The following AGAP1 variants were observed in gnomAD, a reference collection of about 807,000 sequenced individuals.
AGAP1 encodes the protein ArfGAP with GTPase domain, ankyrin repeat and PH domain 1.
A neutral mutation model predicts 105.3 loss-of-function variants in AGAP1; 29 were observed. The ratio of observed to expected loss-of-function variants is 0.28; its 90% CI spans 0.21 to 0.38. AGAP1 has a LOEUF of 0.38. AGAP1 is among the 10% of genes least tolerant of loss of function. AGAP1 has a pLI of 1.00. For missense variants in AGAP1, 998 were observed against 1,165.1 expected (o/e 0.86, Z 2.09); for synonymous variants, 509 against 485.9 (o/e 1.05, Z -0.63).
chr2:235,667,170 C>T (rs1468066963), intron 1 of AGAP1, among the ~76,000 whole-genome samples: 2 of 152,194 alleles, frequency 1.3e-5, no homozygotes, highest in African/African-American at 4.8e-5. Context: ...CGCTGTCTTT[C>T]TGTGGTAAAA....
At chr2:235,495,102 G>A (rs1248330360) in intron 1 of AGAP1, among the ~76,000 whole-genome samples, 1 of 152,180 alleles carries the variant, frequency 6.6e-6, no homozygotes, top group Non-Finnish European at 1.5e-5. Flanking sequence ...TCTCTCCTGC[G>A]GGAAAGTGGC....
intron 8 of AGAP1, among the ~76,000 whole-genome samples, chr2:235,804,419 C>T (rs1957736081): frequency 6.6e-6 from 1 of 152,172 alleles, no homozygotes; most frequent in Non-Finnish European, 1.5e-5. Context: ...AATAAGGCAG[C>T]AAAATTCATA....
At position 235,566,616 on chromosome 2, in the gene AGAP1, C is replaced by T. The variant is rs576496225; in HGVS notation, c.163+71767C>T. 5 of 984,492 alleles carry T rather than the reference C, an allele frequency of 5.1e-6. No individual in the cohort carries two copies. Among genetic ancestry groups the T allele is most frequent in the Non-Finnish European group, 6.0e-6 (5 of 829,106 alleles). The allele number at this position is 984,492 out of a possible 1,614,324, so 61.0% of individuals were successfully genotyped here. A position where few individuals can be genotyped will look rare whatever the true frequency, so the allele number is the denominator to read the frequency against. ...GTGGGCAGGTCTGTCTCCTGCCTCT[C>T]TTATTTATGTTGTATGCCTGACACC... On this transcript the variant is annotated intron_variant, in intron 1 of 17. Transcript: ENST00000304032. This position sits in a 1 kb window ranked among gnomAD's most constrained non-coding sequence, Gnocchi z 5.2.
At chr2:235,873,976 G>A (rs1185512649) in intron 9 of AGAP1, among the ~76,000 whole-genome samples, 4 of 152,202 alleles carry the variant, frequency 2.6e-5, no homozygotes, top group East Asian at 1.9e-4. Flanking sequence ...CAGTCCCCTC[G>A]CCTCCATCTC....
intron 2 of AGAP1, among the ~76,000 whole-genome samples, chr2:235,717,266 C>T (rs1417941231): frequency 3.3e-5 from 5 of 152,218 alleles, no homozygotes; most frequent in African/African-American, 7.2e-5. Flanking sequence ...GAACACAGCC[C>T]TGATGTAAAC....
At chr2:235,862,301 TAAG>T (rs1250632883) in intron 9 of AGAP1, among the ~76,000 whole-genome samples, 1 of 152,216 alleles carries the variant, frequency 6.6e-6, no homozygotes, top group Non-Finnish European at 1.5e-5. Context: ...TTATTTGTAG[TAAG>T]GAGTTATTGC....
rs2125328264 is a variant in AGAP1 at position 235,964,982 on chromosome 2, C to T, written c.1484-3480C>T. On this transcript the variant is annotated intron_variant, in intron 12 of 17. Transcript: ENST00000304032. This position sits in a 1 kb window ranked among gnomAD's most constrained non-coding sequence, Gnocchi z 4.6. ...AGGCAAGGGAAGTGTCTTATTTAAA[C>T]CTGCCCGCTCCCACCTCTGCAGTTC... 6.6e-6 allele frequency among the ~76,000 whole-genome samples: 1 copy of T among 152,294 alleles called. No homozygotes were observed. The highest frequency in any genetic ancestry group is 1.9e-4 in the East Asian group (1 of 5,186).
rs115557109 is a variant in AGAP1 at position 236,004,997 on chromosome 2, T to G, written c.1646-31564T>G. Among the ~76,000 whole-genome samples the G allele has an allele frequency of 2.0e-3, 305 of 152,318 alleles. 1 individual carries two copies. The highest frequency in any genetic ancestry group is 7.0e-3 in the African/African-American group (292 of 41,570). On this transcript the variant is annotated intron_variant, in intron 13 of 17. Transcript: ENST00000304032. ...AAAATAATATTCCTGTTCAAGATGC[T>G]TATTAGAGTGTATTTGATAGACTTT...
chr2:235,611,002 A>G lies in AGAP1; in HGVS notation c.164-98177A>G, dbSNP rs1414967446. Reference sequence around the variant, plus strand: ...TTCTTCCTAAGGCACCGTCTTCCTCATTGAAACTGTGCCCATGACCTCCGG... The same window carrying G: ...TTCTTCCTAAGGCACCGTCTTCCTCGTTGAAACTGTGCCCATGACCTCCGG... On this transcript the variant is annotated intron_variant, in intron 1 of 17. Transcript: ENST00000304032. This position sits in a 1 kb window ranked among gnomAD's most constrained non-coding sequence, Gnocchi z 5.0. Among the ~76,000 whole-genome samples the G allele has an allele frequency of 1.3e-5, 2 of 152,074 alleles. No individual in the cohort carries two copies. Among genetic ancestry groups the G allele is most frequent in the African/African-American group, 2.4e-5 (1 of 41,362 alleles).
Position 235,741,728 on chromosome 2 carries a change from A to AT in AGAP1, c.396+682dup, listed in dbSNP as rs1461391020. ...TATTATTATTATTGTTGTTGTTGTT[A>AT]TTATTATTATTGTTATTTTTTATTA... On this transcript the variant is annotated intron_variant, in intron 4 of 17. Coordinates refer to ENST00000304032, the MANE Select transcript of AGAP1 (RefSeq NM_001037131.3). This position sits in a 1 kb window ranked among gnomAD's most constrained non-coding sequence, Gnocchi z 4.9. Among the ~76,000 whole-genome samples the AT allele has an allele frequency of 2.1e-5, 3 of 145,384 alleles. No homozygotes were observed. The highest frequency in any genetic ancestry group is 3.0e-5 in the Non-Finnish European group (2 of 67,520).
At chr2:235,696,568 C>T (rs1452554074) in intron 1 of AGAP1, among the ~76,000 whole-genome samples, 2 of 152,166 alleles carry the variant, frequency 1.3e-5, no homozygotes, top group Non-Finnish European at 2.9e-5. Flanking sequence ...GTGGGTCAGC[C>T]GGCTCAACAG....
At chr2:235,862,985 C>T (rs1420682184) in intron 9 of AGAP1, among the ~76,000 whole-genome samples, 2 of 152,156 alleles carry the variant, frequency 1.3e-5, no homozygotes, top group Admixed American at 6.5e-5. Context: ...GATTTGGAGC[C>T]CACAGACAAT....
chr2:235,738,683 G>C (rs988021051), intron 3 of AGAP1, among the ~76,000 whole-genome samples: 2 of 151,204 alleles, frequency 1.3e-5, no homozygotes, highest in Non-Finnish European at 2.9e-5. Flanking sequence ...TCAGCCTCCC[G>C]AGTAGCTGGG....
rs562597865 is a variant in AGAP1, at chr2:236,050,200, G to C, written c.2114+919G>C. Among the ~76,000 whole-genome samples the C allele has an allele frequency of 2.0e-5, 3 of 152,204 alleles. No homozygotes were observed. The highest frequency in any genetic ancestry group is 1.3e-4 in the Admixed American group (2 of 15,284). ...AGTTCAAGTGGTAATCTGTGGTTACGCCACAGAAACCGGTTTCTACTGCAG... is the reference window on the plus strand; with the variant it reads ...AGTTCAAGTGGTAATCTGTGGTTACCCCACAGAAACCGGTTTCTACTGCAG... On this transcript the variant is annotated intron_variant, in intron 16 of 17. Transcript: ENST00000304032. This position sits in a 1 kb window ranked among gnomAD's most constrained non-coding sequence, Gnocchi z 4.0.
intron 1 of AGAP1, among the ~76,000 whole-genome samples, chr2:235,675,564 T>C (rs945148796): frequency 6.6e-6 from 1 of 152,342 alleles, no homozygotes; most frequent in South Asian, 2.1e-4. Context: ...GTTATTAGAA[T>C]TGATTATCTA....
At chr2:235,670,609 C>G in intron 1 of AGAP1, 1 of 575,336 alleles carries the variant, frequency 1.7e-6, no homozygotes, top group Non-Finnish European at 3.0e-6. Flanking sequence ...GGACACTGGG[C>G]GGCGGAAGGC....
intron 1 of AGAP1, among the ~76,000 whole-genome samples, chr2:235,653,432 C>A (rs1472437452): frequency 6.6e-6 from 1 of 151,936 alleles, no homozygotes; most frequent in Non-Finnish European, 1.5e-5. Context: ...CCACTGCATT[C>A]CAGCCTGGGC....
Position 236,120,098 on chromosome 2 carries a change from C to T in AGAP1, c.2115-94C>T. 6.6e-7 allele frequency: 1 copy of T among 1,509,392 alleles called. No individual in the cohort carries two copies. Among genetic ancestry groups the T allele is most frequent in the East Asian group, 2.3e-5 (1 of 44,060 alleles). 93.5% of individuals were successfully genotyped at this position (1,509,392 alleles called of 1,614,324 possible). The stretch of plus-strand genomic sequence containing the variant: ...ACCTTTGCTTTCTGTTATTTCACTT[C>T]CCTCTCGGCTTCTCCCGACCACACT... On this transcript the variant is annotated intron_variant, in intron 16 of 17. Coordinates refer to ENST00000304032, the MANE Select transcript of AGAP1 (RefSeq NM_001037131.3). The surrounding 1 kb of genome is among the most constrained non-coding windows in gnomAD (Gnocchi z 6.0).
intron 1 of AGAP1, among the ~76,000 whole-genome samples, chr2:235,548,272 C>T (rs148006544): frequency 6.6e-6 from 1 of 152,218 alleles, no homozygotes; most frequent in Non-Finnish European, 1.5e-5. Context: ...GTAAAATGCA[C>T]TGCAGGCTGG....
Sources: gnomAD v4.1 joint callset for allele counts (sites outside exome capture counted in the v4.1 genomes callset) on GRCh38, gnomAD v4.1.1 for gene constraint, Gnocchi (gnomAD v3.1) non-coding constraint, MANE v1.5 for transcripts, NCBI Gene and HGNC (gene_info 2026-07-23, HGNC 2026-07-21) for gene names.